Variants in USP8 observed in about 807,000 individuals in gnomAD.
The protein encoded by USP8 is ubiquitin carboxyl-terminal hydrolase 8.
In USP8, 27 loss-of-function variants were observed where a neutral mutation model predicts 130.0. The ratio of observed to expected loss-of-function variants is 0.21; its 90% CI spans 0.15 to 0.29. USP8 has a LOEUF of 0.29. Among genes scored for constraint, USP8 ranks in the 10% least tolerant of loss-of-function variants. The pLI is 1.00. For synonymous variants in USP8, 392 were observed against 444.1 expected (o/e 0.88, Z 1.48); for missense variants, 1,029 against 1,312.2 (o/e 0.78, Z 3.33).
chr15:50,425,948 C>T (rs1386461244), intron 1 of USP8, among the ~76,000 whole-genome samples: 1 of 151,988 alleles, frequency 6.6e-6, no homozygotes, highest in African/African-American at 2.4e-5. Flanking sequence ...ATGGCGAAAC[C>T]CGGTCTCTAC....
intron 4 of USP8, among the ~76,000 whole-genome samples, chr15:50,457,143 A>G (rs2050815501): frequency 6.6e-6 from 1 of 152,268 alleles, no homozygotes; most frequent in Admixed American, 6.5e-5. Context: ...AGTCATTTTT[A>G]AAGTAAACTT....
intron 1 of USP8, among the ~76,000 whole-genome samples, chr15:50,431,335 T>C (rs1326255789): frequency 2.6e-5 from 4 of 152,144 alleles, no homozygotes. Flanking sequence ...TACTTACATA[T>C]CCCTAATTTG....
intron 1 of USP8, among the ~76,000 whole-genome samples, chr15:50,434,395 G>A (rs1035579679): frequency 3.3e-5 from 5 of 150,506 alleles, no homozygotes; most frequent in Admixed American, 6.6e-5. Context: ...GAGCCACCAC[G>A]CCCGGCTGCA....
intron 3 of USP8, among the ~76,000 whole-genome samples, chr15:50,444,224 C>G (rs960459257): frequency 6.6e-5 from 10 of 151,244 alleles, no homozygotes; most frequent in African/African-American, 2.4e-4. Flanking sequence ...CTGCTTCAGC[C>G]TCCCGAGTAG....
At chr15:50,478,317 T>G (rs1476289579) in intron 10 of USP8, among the ~76,000 whole-genome samples, 2 of 152,248 alleles carry the variant, frequency 1.3e-5, no homozygotes, top group Admixed American at 6.5e-5. Flanking sequence ...TTTTAGTTTT[T>G]ATATCCTTCA....
chr15:50,495,483 T>TGG (rs1491273851), intron 16 of USP8, among the ~76,000 whole-genome samples: 4,757 of 93,672 alleles, frequency 0.051, 196 homozygotes, highest in African/African-American at 0.11. Flanking sequence ...TAGTAGAGAT[T>TGG]GGAGGGGGGG....
At chr15:50,483,457 AGAGTT>A (rs1163852003) in intron 11 of USP8, among the ~76,000 whole-genome samples, 1 of 152,250 alleles carries the variant, frequency 6.6e-6, no homozygotes, top group Non-Finnish European at 1.5e-5. Context: ...AGTTTTTAGT[AGAGTT>A]ATTTTAAAAT....
chr15:50,490,196 A>G (rs2052105916), intron 13 of USP8, 67 bp from the exon 14 acceptor site: 2 of 1,464,414 alleles, frequency 1.4e-6, no homozygotes, highest in Admixed American at 4.4e-5. Flanking sequence ...CTTTGGAGTG[A>G]TTTCTTTGTT....
At chr15:50,487,146 T>A (rs534856391) in intron 12 of USP8, among the ~76,000 whole-genome samples, 1 of 151,866 alleles carries the variant, frequency 6.6e-6, no homozygotes, top group South Asian at 2.1e-4. Flanking sequence ...AAACAACTTA[T>A]TAATGTAACC....
At chr15:50,465,273 C>A in intron 7 of USP8, 82 bp downstream of exon 7, 1 of 1,228,756 alleles carries the variant, frequency 8.1e-7, no homozygotes, top group Non-Finnish European at 1.1e-6. Flanking sequence ...ACTTAGCATC[C>A]AAGCTAAATG....
chr15:50,486,802 T>G (rs903047282), intron 12 of USP8, among the ~76,000 whole-genome samples: 15 of 152,100 alleles, frequency 9.9e-5, no homozygotes, highest in African/African-American at 3.6e-4. Flanking sequence ...ACTGCTCAGG[T>G]GATGGGTGCA....
intron 7 of USP8, among the ~76,000 whole-genome samples, chr15:50,468,095 C>G (rs1279253162): frequency 1.3e-5 from 2 of 151,776 alleles, no homozygotes; most frequent in African/African-American, 4.8e-5. Context: ...GTCACCTTGC[C>G]CAGCTAATTT....
In USP8 at chr15:50,498,093, A is replaced by G. The variant is rs571868354; in HGVS notation, c.3039-503A>G. 6.6e-5 allele frequency among the ~76,000 whole-genome samples: 10 copies of G among 152,336 alleles called. No homozygotes were observed. The South Asian group carries it at 1.7e-3, about 25-fold the overall frequency. ...TGCTGAATATTTTCAAAATTATGAA[A>G]TAACCATATTACACCAACCAAGATA... On this transcript the variant is annotated intron_variant, in intron 18 of 19. Coordinates refer to ENST00000307179, the MANE Select transcript of USP8 (RefSeq NM_005154.5).
chr15:50,475,106 C>T (rs902349096), intron 8 of USP8, among the ~76,000 whole-genome samples: 2 of 152,040 alleles, frequency 1.3e-5, no homozygotes, highest in Admixed American at 6.6e-5. Flanking sequence ...AAAAGTCCAT[C>T]TCAAAAAGAA....
At chr15:50,461,307 T>A (rs539116182) in intron 5 of USP8, among the ~76,000 whole-genome samples, 2 of 151,762 alleles carry the variant, frequency 1.3e-5, no homozygotes, top group South Asian at 2.1e-4. Context: ...AAACATTTTT[T>A]AAAAAATTAG....
intron 6 of USP8, chr15:50,463,582 C>G (rs752321909): frequency 2.0e-5 from 3 of 152,180 alleles, no homozygotes; most frequent in Non-Finnish European, 4.4e-5. Context: ...AAAGCTGTTA[C>G]TGATTCATTC....
chr15:50,449,862 T>G (rs1173245136), intron 4 of USP8, among the ~76,000 whole-genome samples: 1 of 147,880 alleles, frequency 6.8e-6, no homozygotes, highest in Non-Finnish European at 1.5e-5. Flanking sequence ...ATTACAGGTG[T>G]GGGCCACCAT....
chr15:50,509,724 A>C lies in USP8; in HGVS notation c.*10636A>C, dbSNP rs891101654. The C allele has an allele frequency of 6.6e-6, 1 of 152,212 alleles. No homozygotes were observed. The highest frequency in any genetic ancestry group is 2.4e-5 in the African/African-American group (1 of 41,462). The allele number at this position is 152,212 out of a possible 1,614,324, so 9.4% of individuals were successfully genotyped here. A position where few individuals can be genotyped will look rare whatever the true frequency, so the allele number is the denominator to read the frequency against. ...AATTAAAAATGAAAAAACATGTAAT[A>C]GCTACAGATCCTGAATAAATTTATT... On this transcript the variant is annotated 3_prime_UTR_variant, in exon 20 of 20. Transcript: ENST00000307179.
intron 4 of USP8, among the ~76,000 whole-genome samples, chr15:50,453,715 A>C (rs1393766787): frequency 1.3e-5 from 2 of 152,106 alleles, no homozygotes; most frequent in African/African-American, 4.8e-5. Context: ...GTCATGTTAA[A>C]ATATTTAACT....
Sources: gnomAD v4.1 joint callset for allele counts (sites outside exome capture counted in the v4.1 genomes callset) on GRCh38, gnomAD v4.1.1 for gene constraint, MANE v1.5 for transcripts, NCBI Gene and HGNC (gene_info 2026-07-23, HGNC 2026-07-21) for gene names.